MNAT1: variants seen among roughly 807,000 people sequenced by gnomAD.
MNAT1 encodes CDK-activating kinase assembly factor MAT1.
A neutral mutation model predicts 42.0 loss-of-function variants in MNAT1; 43 were observed. The observed-to-expected ratio is 1.02, with a 90% confidence interval of 0.80 to 1.32. MNAT1 has a LOEUF of 1.32. MNAT1 is among the 40% of genes most tolerant of loss of function. The probability of loss-of-function intolerance (pLI) is 0.00; values close to 1 mark genes in which losing one functional copy is unlikely to be tolerated. For synonymous variants in MNAT1, 118 were observed against 120.0 expected (o/e 0.98, Z 0.11); for missense variants, 306 against 350.4 (o/e 0.87, Z 1.01).
intron 6 of MNAT1, 55 bp downstream of exon 6, chr14:60,818,902 T>G: frequency 6.4e-7 from 1 of 1,572,060 alleles, no homozygotes; most frequent in Non-Finnish European, 8.6e-7. Context: ...GATTATGCTT[T>G]ATAATTTTAC....
chr14:60,790,785 T>C (rs1437272472), intron 1 of MNAT1, among the ~76,000 whole-genome samples: 1 of 152,176 alleles, frequency 6.6e-6, no homozygotes, highest in Non-Finnish European at 1.5e-5. Context: ...ATTTGACTTC[T>C]CCATGCTTAG....
intron 6 of MNAT1, among the ~76,000 whole-genome samples, chr14:60,872,448 T>C (rs2034346244): frequency 6.6e-6 from 1 of 152,156 alleles, no homozygotes; most frequent in Non-Finnish European, 1.5e-5. Flanking sequence ...CTCTCTCTGG[T>C]TTTCACATTT....
At chr14:60,881,478 G>T (rs112600734) in intron 7 of MNAT1, among the ~76,000 whole-genome samples, 2 of 152,204 alleles carry the variant, frequency 1.3e-5, no homozygotes, top group African/African-American at 4.8e-5. Context: ...GAACCACTGC[G>T]CCCGGCCCAT....
intron 7 of MNAT1, among the ~76,000 whole-genome samples, chr14:60,901,807 A>G (rs2035077993): frequency 1.3e-5 from 2 of 152,100 alleles, no homozygotes; most frequent in Admixed American, 1.3e-4. Context: ...TGAGAAACTG[A>G]CTCTCAGGGA....
chr14:60,920,615 G>T (rs948937065), intron 7 of MNAT1, among the ~76,000 whole-genome samples: 7 of 151,744 alleles, frequency 4.6e-5, no homozygotes, highest in African/African-American at 1.7e-4. Flanking sequence ...TAATTTTTTT[G>T]TATTTTTAGT....
In MNAT1 at chr14:60,808,385, A is replaced by G. The variant is rs997168035; in HGVS notation, c.377A>G (p.Gln126Arg). ...ACCAAAAAGAAAATGGAGATATACC[A>G]AAAGGAAAACAAAGATGTTATTCAG... ...DNTKKKMEIY[Q>R]KENKDVIQKN... Residue 126 changes from glutamine (Q) to arginine (R), a missense_variant, in exon 4 of 8, where the codon CAA becomes CGA. Transcript: ENST00000261245. The G allele has an allele frequency of 1.3e-5, 20 of 1,583,588 alleles. No individual in the cohort carries two copies. The highest frequency in any genetic ancestry group is 1.5e-5 in the Non-Finnish European group (17 of 1,168,212).
chr14:60,864,841 G>A (rs568911088), intron 6 of MNAT1, among the ~76,000 whole-genome samples: 1 of 151,996 alleles, frequency 6.6e-6, no homozygotes, highest in Admixed American at 6.6e-5. Context: ...GATGGTTAGA[G>A]TATTCATAGT....
At chr14:60,949,901 A>G (rs1323853589) in intron 7 of MNAT1, among the ~76,000 whole-genome samples, 1 of 152,172 alleles carries the variant, frequency 6.6e-6, no homozygotes, top group Non-Finnish European at 1.5e-5. Context: ...AAAACTTGAA[A>G]TTGTTATACA....
At chr14:60,869,165 G>A (rs925467537) in intron 6 of MNAT1, among the ~76,000 whole-genome samples, 2 of 149,628 alleles carry the variant, frequency 1.3e-5, no homozygotes, top group African/African-American at 4.9e-5. Context: ...GAGTAATTGG[G>A]ACTACAGGCA....
chr14:60,776,579 A>C (rs1385332205), intron 1 of MNAT1, among the ~76,000 whole-genome samples: 2 of 151,878 alleles, frequency 1.3e-5, no homozygotes, highest in Non-Finnish European at 2.9e-5. Flanking sequence ...CTGGGGGGGG[A>C]GGAGCAGATA....
At chr14:60,906,307 G>A (rs1191845266) in intron 7 of MNAT1, among the ~76,000 whole-genome samples, 1 of 152,154 alleles carries the variant, frequency 6.6e-6, no homozygotes, top group Non-Finnish European at 1.5e-5. Context: ...CAAGACTTGG[G>A]TTTTTACTTT....
At chr14:60,810,380 T>A (rs2032505613) in intron 4 of MNAT1, among the ~76,000 whole-genome samples, 1 of 152,134 alleles carries the variant, frequency 6.6e-6, no homozygotes, top group African/African-American at 2.4e-5. Flanking sequence ...TTGTTCTGCT[T>A]ACTTTGAGCT....
chr14:60,916,726 C>T (rs1254461988), intron 7 of MNAT1, among the ~76,000 whole-genome samples: 7 of 152,104 alleles, frequency 4.6e-5, no homozygotes, highest in Non-Finnish European at 7.4e-5. Context: ...CGGAGGCAGG[C>T]GAACTGCCTG....
intron 7 of MNAT1, among the ~76,000 whole-genome samples, chr14:60,949,571 C>CA (rs1368463299): frequency 1.3e-5 from 2 of 151,906 alleles, no homozygotes; most frequent in African/African-American, 2.4e-5. Context: ...AAGGCATTGC[C>CA]AAAAAATGTA....
intron 1 of MNAT1, among the ~76,000 whole-genome samples, chr14:60,759,886 G>T (rs970744978): frequency 5.3e-5 from 8 of 152,050 alleles, no homozygotes; most frequent in Non-Finnish European, 7.4e-5. Flanking sequence ...TTATTTAAAA[G>T]AAATTTTTTT....
intron 7 of MNAT1, among the ~76,000 whole-genome samples, chr14:60,910,493 T>C (rs538751466): frequency 7.0e-4 from 107 of 152,238 alleles, no homozygotes; most frequent in Non-Finnish European, 1.1e-3. Context: ...TTTTGAGATA[T>C]GTCCCATCAA....
intron 1 of MNAT1, among the ~76,000 whole-genome samples, chr14:60,745,821 C>T (rs1219963987): frequency 6.6e-6 from 1 of 152,142 alleles, no homozygotes; most frequent in Non-Finnish European, 1.5e-5. Flanking sequence ...GTTTTTACTA[C>T]CTCAGCTCCT....
At chr14:60,805,844 G>C (rs751555088) in intron 3 of MNAT1, among the ~76,000 whole-genome samples, 13 of 152,194 alleles carry the variant, frequency 8.5e-5, no homozygotes, top group Non-Finnish European at 1.8e-4. Flanking sequence ...TACCATTCAT[G>C]TGTGGGTTTT....
intron 7 of MNAT1, among the ~76,000 whole-genome samples, chr14:60,914,592 A>G (rs1160628134): frequency 6.6e-6 from 1 of 151,950 alleles, no homozygotes; most frequent in African/African-American, 2.4e-5. Context: ...CTAATATGCT[A>G]TGTATGCAGC....
Sources: allele counts gnomAD v4.1 joint callset (sites outside exome capture counted in the v4.1 genomes callset), GRCh38; gene constraint gnomAD v4.1.1; transcripts MANE v1.5; gene names NCBI Gene and HGNC (gene_info 2026-07-23, HGNC 2026-07-21).